Variants in TMED4 observed in about 807,000 individuals in gnomAD.
TMED4 encodes transmembrane emp24 domain-containing protein 4.
Under a neutral mutation model 26.5 loss-of-function variants are expected in TMED4, and 19 were observed. That is an observed-to-expected ratio of 0.72 (90% CI 0.50 to 1.05). The LOEUF is 1.05. TMED4 is among the 50% of genes least tolerant of loss of function. The pLI is 0.00. For missense variants in TMED4, 303 were observed against 302.5 expected, an observed-to-expected ratio of 1.00 and a Z score of -0.01; for synonymous variants, 121 against 119.8, an observed-to-expected ratio of 1.01 and a Z score of -0.07.
rs138565143 is a variant in TMED4 at position 44,578,861 on chromosome 7, C to CAAAAAAAAAAAAAAAAA, written c.*601_*617dup. The CAAAAAAAAAAAAAAAAA allele has an allele frequency of 1.3e-5, 1 of 77,520 alleles. No homozygotes were observed. The highest frequency in any genetic ancestry group is 1.6e-4 in the Admixed American group (1 of 6,398). 4.8% of individuals were successfully genotyped at this position (77,520 alleles called of 1,614,324 possible). ...CAGCCTGGGCGACAAGAGCAAAACT[C>CAAAAAAAAAAAAAAAAA]AAAAAAAAAAAAAAAAAAAAAAAAG... On this transcript the variant is annotated 3_prime_UTR_variant, in exon 5 of 5. Coordinates refer to ENST00000457408, the MANE Select transcript of TMED4 (RefSeq NM_182547.4).
intron 4 of TMED4, chr7:44,579,861 A>G (rs1802925297): frequency 2.7e-6 from 1 of 368,712 alleles, no homozygotes; most frequent in Admixed American, 4.4e-5. Flanking sequence ...ATTTCCAACA[A>G]GAGTCCAAGA....
chr7:44,580,986 TCTC>T, intron 4 of TMED4, 104 bp downstream of exon 4: 1 of 1,261,804 alleles, frequency 7.9e-7, no homozygotes, highest in Non-Finnish European at 1.1e-6. Context: ...AACCAATACT[TCTC>T]ATTCCATTCT....
In TMED4 at chr7:44,578,871, A is replaced by AC. The variant is rs1802893419; in HGVS notation, c.*607_*608insG. 1 of 150,150 alleles carries AC rather than the reference A, an allele frequency of 6.7e-6. No homozygotes were observed. The highest frequency in any genetic ancestry group is 6.6e-5 in the Admixed American group (1 of 15,108). The allele number at this position is 150,150 out of a possible 1,614,324, so 9.3% of individuals were successfully genotyped here. ...GACAAGAGCAAAACTCAAAAAAAAAAAAAAAAAAAAAAAAGGAAAAACAAA... is the reference window on the plus strand; with the variant it reads ...GACAAGAGCAAAACTCAAAAAAAAAACAAAAAAAAAAAAAAGGAAAAACAAA... On this transcript the variant is annotated 3_prime_UTR_variant, in exon 5 of 5. Coordinates refer to ENST00000457408, the MANE Select transcript of TMED4 (RefSeq NM_182547.4).
In TMED4 at chr7:44,582,104, C is replaced by G. The variant is rs140932994; in HGVS notation, c.103G>C (p.Gly35Arg). The stretch of plus-strand genomic sequence containing the variant: ...ATGAAACAGCGCTTCTCGGTCTCGC[C>G]GATGTGGAAGTAGAGCCCCTGGGCG... ...TGAQGLYFHIGETEKRCFIEE... is the reference protein window; with the variant it reads ...TGAQGLYFHIRETEKRCFIEE... The change falls in exon 1 of 5, where the codon GGC becomes CGC. Residue 35 changes from glycine (G) to arginine (R), a missense_variant. By Grantham distance (125) the Gly-to-Arg change is moderately radical. Transcript: ENST00000457408. 8 of 1,562,222 alleles carry G rather than the reference C, an allele frequency of 5.1e-6. No homozygotes were observed. The African/African-American group carries it at 1.1e-4, about 21-fold the overall frequency.
Position 44,579,354 on chromosome 7 carries a change from G to T in TMED4, c.*125C>A. ...CAAGTGGCTGATCTGAATGGTTTGT[G>T]GCCATGGAACCAATGTGACTTATTC... On this transcript the variant is annotated 3_prime_UTR_variant, in exon 5 of 5. Transcript: ENST00000457408. 4.8e-6 allele frequency: 5 copies of T among 1,032,654 alleles called. No homozygotes were observed. The South Asian group carries it at 6.7e-5, about 14-fold the overall frequency. 64.0% of individuals were successfully genotyped at this position (1,032,654 alleles called of 1,614,324 possible).
chr7:44,579,726 C>A, intron 4 of TMED4, 98 bp from the exon 5 acceptor site: 4 of 1,327,584 alleles, frequency 3.0e-6, no homozygotes, highest in Non-Finnish European at 4.2e-6. Context: ...GGACCAAACT[C>A]CTTTTGGAAT....
At position 44,582,162 on chromosome 7, in the gene TMED4, C is replaced by G. The variant is rs2117150327; in HGVS notation, c.45G>C (p.Gln15His). The part of the protein sequence containing the change: ...GAGPLRAMGR[Q>H]ALLLLALCAT... ...CGCACAGCGCGAGAAGCAGCAGGGC[C>G]TGCCGCCCCATCGCCCGCAGAGGCC... The change falls in exon 1 of 5, where the codon CAG (glutamine) becomes CAC (histidine). Residue 15 changes from glutamine (Q) to histidine (H), a missense_variant. By Grantham distance (24) the Gln-to-His change is conservative. Transcript: ENST00000457408. 1.3e-6 allele frequency: 2 copies of G among 1,549,246 alleles called. No homozygotes were observed. Among genetic ancestry groups the G allele is most frequent in the East Asian group, 4.9e-5 (2 of 40,888 alleles).
Position 44,581,433 on chromosome 7 carries a change from G to C in TMED4, c.387+16C>G. ...TGAGAGATTCTAAGCTGAAGCCAAAGAGAAAATCCTCTTACCAGTTTGCCA... is the reference window on the plus strand; with the variant it reads ...TGAGAGATTCTAAGCTGAAGCCAAACAGAAAATCCTCTTACCAGTTTGCCA... On this transcript the variant is annotated intron_variant, in intron 3 of 4. Coordinates refer to ENST00000457408, the MANE Select transcript of TMED4 (RefSeq NM_182547.4). The C allele has an allele frequency of 6.2e-7, 1 of 1,614,026 alleles. No individual in the cohort carries two copies. Among genetic ancestry groups the C allele is most frequent in the South Asian group, 1.1e-5 (1 of 91,070 alleles).
rs147979522 is a variant in TMED4 at position 44,581,133 on chromosome 7, T to C, written c.494A>G (p.Asp165Gly). Residue 165 changes from aspartate to glycine, a missense_variant, in exon 4 of 5, where the codon GAT becomes GGT. Physicochemically the swap from Asp to Gly is moderately conservative, Grantham distance 94. Transcript: ENST00000457408. The part of the protein sequence containing the change: ...ELQLRARQLL[D>G]QVEQIQKEQD... ...CTCCTTCTGAATCTGTTCCACCTGA[T>C]CAAGCAACTGGCGGGCGCGGAGCTG... 82 of 1,614,028 alleles carry C rather than the reference T, an allele frequency of 5.1e-5. No individual in the cohort carries two copies. The African/African-American group carries it at 9.7e-4, about 19-fold the overall frequency.
chr7:44,580,923 G>A (rs1802965849), intron 4 of TMED4, 170 bp downstream of exon 4: 3 of 717,352 alleles, frequency 4.2e-6, no homozygotes, highest in Non-Finnish European at 4.5e-6. Flanking sequence ...ACTCCAGCAT[G>A]GGCAACAAGA....
intron 1 of TMED4, 42 bp from the exon 2 acceptor site, chr7:44,581,865 G>C (rs778913347): frequency 1.2e-6 from 2 of 1,603,446 alleles, no homozygotes; most frequent in Admixed American, 1.7e-5. Context: ...CTAGTGGGCC[G>C]CCTCTCCGCC....
In TMED4 at chr7:44,578,327, T is replaced by G. The variant is rs1358295729; in HGVS notation, c.*1152A>C. 6.6e-6 allele frequency: 1 copy of G among 152,216 alleles called. No homozygotes were observed. Among genetic ancestry groups the G allele is most frequent in the African/African-American group, 2.4e-5 (1 of 41,444 alleles). 9.4% of individuals were successfully genotyped at this position (152,216 alleles called of 1,614,324 possible). ...AACACAGCTATTACAACATGTTTTA[T>G]TTCACTGGAAAATTCTGTAAAGAAC... On this transcript the variant is annotated 3_prime_UTR_variant, in exon 5 of 5. Transcript: ENST00000457408.
Position 44,581,528 on chromosome 7 carries a change from G to T in TMED4, c.308C>A (p.Thr103Asn), listed in dbSNP as rs150524542. The change falls in exon 3 of 5, where the codon ACC becomes AAC. Residue 103 changes from threonine (T) to asparagine (N), a missense_variant. By Grantham distance (65) the Thr-to-Asn change is moderately conservative. Transcript: ENST00000457408. Reference sequence around the variant, plus strand: ...TTGATGGTCACCGGGCGTGTGGGAGGTGAACGTGAAGCGGCCCTCCGAGCC... The same window carrying T: ...TTGATGGTCACCGGGCGTGTGGGAGTTGAACGTGAAGCGGCCCTCCGAGCC... ...QYGSEGRFTF[T>N]SHTPGDHQIC... 2.0e-5 allele frequency: 32 copies of T among 1,614,096 alleles called. No individual in the cohort carries two copies. Among genetic ancestry groups the T allele is most frequent in the African/African-American group, 6.7e-5 (5 of 74,948 alleles).
chr7:44,581,962 G>A, intron 1 of TMED4, 85 bp downstream of exon 1: 2 of 1,526,484 alleles, frequency 1.3e-6, no homozygotes, highest in Non-Finnish European at 1.8e-6. Flanking sequence ...GGGGGAGCCA[G>A]CGACCCGGCT....
Position 44,582,035 on chromosome 7 carries a change from A to G in TMED4, c.160+12T>C, listed in dbSNP as rs1239937448. 2 of 1,552,244 alleles carry G rather than the reference A, an allele frequency of 1.3e-6. No homozygotes were observed. Among genetic ancestry groups the G allele is most frequent in the Non-Finnish European group, 1.7e-6 (2 of 1,147,326 alleles). ...GGGTACAAAGGGCCTCCCCACCCTC[A>G]GCCCGCCTGACCGATGACCATGGTC... On this transcript the variant is annotated intron_variant, in intron 1 of 4. Coordinates refer to ENST00000457408, the MANE Select transcript of TMED4 (RefSeq NM_182547.4).
chr7:44,579,530 G>C lies in TMED4; in HGVS notation c.633C>G (p.Ile211Met), dbSNP rs1311825985. ...AQTVILILTGIWQMRHLKSFF... is the reference protein window; with the variant it reads ...AQTVILILTGMWQMRHLKSFF... ...AGCTCTTGAGGTGACGCATCTGCCA[G>C]ATGCCAGTGAGGATGAGGATGACAG... The change falls in exon 5 of 5, where the codon ATC becomes ATG. Residue 211 changes from isoleucine (I) to methionine (M), a missense_variant. Physicochemically the swap from Ile to Met is conservative, Grantham distance 10. Coordinates refer to ENST00000457408, the MANE Select transcript of TMED4 (RefSeq NM_182547.4). 6.2e-7 allele frequency: 1 copy of C among 1,614,060 alleles called. No homozygotes were observed. The highest frequency in any genetic ancestry group is 1.7e-5 in the Admixed American group (1 of 60,006).
chr7:44,579,397 T>C lies in TMED4; in HGVS notation c.*82A>G, dbSNP rs1802910361. The C allele has an allele frequency of 2.7e-6, 4 of 1,465,670 alleles. No individual in the cohort carries two copies. Among genetic ancestry groups the C allele is most frequent in the African/African-American group, 1.4e-5 (1 of 70,978 alleles). 90.8% of individuals were successfully genotyped at this position (1,465,670 alleles called of 1,614,324 possible). A position where few individuals can be genotyped will look rare whatever the true frequency, so the allele number is the denominator to read the frequency against. On this transcript the variant is annotated 3_prime_UTR_variant, in exon 5 of 5. Transcript: ENST00000457408. ...ACTTATTCTTTTTCATTTTTTTCCC[T>C]AAAAATCCAGGTGGATAAAGGACTG... is the stretch of plus-strand genomic sequence containing the variant.
At chr7:44,581,320 C>CTG in intron 3 of TMED4, 81 bp from the exon 4 acceptor site, 2 of 1,598,402 alleles carry the variant, frequency 1.3e-6, no homozygotes, top group African/African-American at 2.7e-5. Flanking sequence ...TTGTCCCTGG[C>CTG]TGTGGAGCAG....
chr7:44,581,852 G>A, intron 1 of TMED4, 29 bp from the exon 2 acceptor site: 1 of 1,609,136 alleles, frequency 6.2e-7, no homozygotes, highest in Non-Finnish European at 8.5e-7. Context: ...GTCACGACCG[G>A]CCCTAGTGGG....
Sources: allele counts gnomAD v4.1 joint callset, GRCh38; gene constraint gnomAD v4.1.1; transcripts MANE v1.5; gene names NCBI Gene and HGNC (gene_info 2026-07-23, HGNC 2026-07-21).